Variants in KCNIP4 observed in about 807,000 individuals in gnomAD.
The protein encoded by KCNIP4 is potassium voltage-gated channel interacting protein 4.
A neutral mutation model predicts 34.0 loss-of-function variants in KCNIP4; 12 were observed. The observed-to-expected ratio is 0.35, with a 90% CI of 0.23 to 0.57. The LOEUF (loss-of-function observed/expected upper bound fraction) is 0.57. Ranked by LOEUF, KCNIP4 falls within the 20% of genes least tolerant of loss-of-function variation. KCNIP4 has a pLI of 0.83. For missense variants in KCNIP4, 238 were observed against 311.7 expected (o/e 0.76, Z 1.78); for synonymous variants, 124 against 102.2 (o/e 1.21, Z -1.29).
intron 2 of KCNIP4, among the ~76,000 whole-genome samples, chr4:20,868,127 C>T (rs2149505889): frequency 6.6e-6 from 1 of 152,026 alleles, no homozygotes; most frequent in South Asian, 2.1e-4. Flanking sequence ...AGAATCTATA[C>T]AGTAGGGAAC....
chr4:20,943,112 T>C (rs1731813838), intron 1 of KCNIP4, among the ~76,000 whole-genome samples: 1 of 87,224 alleles, frequency 1.1e-5, no homozygotes, highest in South Asian at 3.5e-4. Context: ...AATGTATAAA[T>C]GCAGGCATTG....
At chr4:21,592,702 A>G (rs1443665562) in intron 1 of KCNIP4, among the ~76,000 whole-genome samples, 1 of 152,162 alleles carries the variant, frequency 6.6e-6, no homozygotes, top group Non-Finnish European at 1.5e-5. Flanking sequence ...TCTTTGAAAG[A>G]GGTGAAAGTA....
chr4:20,857,617 G>A (rs893706611), intron 2 of KCNIP4, among the ~76,000 whole-genome samples: 3 of 140,236 alleles, frequency 2.1e-5, no homozygotes, highest in African/African-American at 8.2e-5. Context: ...ATATGCATAG[G>A]GACAAGATTT....
intron 1 of KCNIP4, among the ~76,000 whole-genome samples, chr4:21,102,650 A>C (rs1314231009): frequency 6.6e-6 from 1 of 152,208 alleles, no homozygotes; most frequent in East Asian, 1.9e-4. Flanking sequence ...CATGTAATTA[A>C]TTCTGTCTAT....
chr4:21,252,103 C>T (rs1176160859), intron 1 of KCNIP4, among the ~76,000 whole-genome samples: 1 of 148,494 alleles, frequency 6.7e-6, no homozygotes, highest in Non-Finnish European at 1.5e-5. Context: ...GTTTAAGCAA[C>T]ATTTAAGTAA....
chr4:21,653,397 C>T (rs1347222965), intron 1 of KCNIP4, among the ~76,000 whole-genome samples: 1 of 152,098 alleles, frequency 6.6e-6, no homozygotes, highest in African/African-American at 2.4e-5. Flanking sequence ...TATGAGGTAC[C>T]CAGGACAGGA....
At chr4:21,903,260 T>C (rs982396550) in intron 1 of KCNIP4, among the ~76,000 whole-genome samples, 3 of 152,250 alleles carry the variant, frequency 2.0e-5, no homozygotes, top group East Asian at 1.9e-4. Context: ...TTTTTTGACA[T>C]GGATAATGCA....
intron 1 of KCNIP4, among the ~76,000 whole-genome samples, chr4:21,198,308 A>G (rs1464829097): frequency 6.6e-6 from 1 of 152,240 alleles, no homozygotes; most frequent in Non-Finnish European, 1.5e-5. Flanking sequence ...AGCCACTGCT[A>G]GCATTAGTGC....
chr4:20,763,887 T>C (rs1428200479), intron 3 of KCNIP4, among the ~76,000 whole-genome samples: 1 of 152,154 alleles, frequency 6.6e-6, no homozygotes, highest in African/African-American at 2.4e-5. Context: ...ATCAAGTCAT[T>C]TAGCAGTATA....
intron 1 of KCNIP4, among the ~76,000 whole-genome samples, chr4:21,306,960 T>C (rs1712538747): frequency 6.6e-6 from 1 of 152,054 alleles, no homozygotes; most frequent in Non-Finnish European, 1.5e-5. Flanking sequence ...GTAGCTGGGA[T>C]TACAGGCATG....
intron 1 of KCNIP4, among the ~76,000 whole-genome samples, chr4:21,175,640 G>C (rs1033711214): frequency 2.0e-5 from 3 of 152,100 alleles, no homozygotes; most frequent in Admixed American, 2.0e-4. Context: ...AGAGTTACTT[G>C]AACGCAAGCA....
intron 1 of KCNIP4, among the ~76,000 whole-genome samples, chr4:21,757,981 C>T (rs1717777993): frequency 6.6e-6 from 1 of 152,090 alleles, no homozygotes; most frequent in African/African-American, 2.4e-5. Flanking sequence ...CTTAGTATGC[C>T]TTATTTTTCA....
At chr4:21,907,716 G>A (rs991121590) in intron 1 of KCNIP4, among the ~76,000 whole-genome samples, 1 of 152,078 alleles carries the variant, frequency 6.6e-6, no homozygotes, top group African/African-American at 2.4e-5. Flanking sequence ...CTTGACATAA[G>A]CAGATTTTTA....
At chr4:21,031,444 C>A (rs942523260) in intron 1 of KCNIP4, among the ~76,000 whole-genome samples, 1 of 152,174 alleles carries the variant, frequency 6.6e-6, no homozygotes, top group Non-Finnish European at 1.5e-5. Flanking sequence ...TCAGTTGCTT[C>A]TATTGTTTGA....
intron 1 of KCNIP4, among the ~76,000 whole-genome samples, chr4:20,927,213 G>T (rs936498629): frequency 6.6e-6 from 1 of 152,104 alleles, no homozygotes; most frequent in African/African-American, 2.4e-5. Flanking sequence ...TCTTGAACTC[G>T]TGATCTGCCC....
chr4:21,640,624 C>T (rs899185647), intron 1 of KCNIP4, among the ~76,000 whole-genome samples: 6 of 152,164 alleles, frequency 3.9e-5, no homozygotes, highest in African/African-American at 1.4e-4. Flanking sequence ...CAAACTGATA[C>T]AGCCCTTTCT....
chr4:21,257,639 A>C (rs1389933524), intron 1 of KCNIP4, among the ~76,000 whole-genome samples: 1 of 151,772 alleles, frequency 6.6e-6, no homozygotes, highest in African/African-American at 2.4e-5. Flanking sequence ...AGTCCCAGCT[A>C]CTCGGGAGGC....
At chr4:21,086,060 C>G (rs1293515822) in intron 1 of KCNIP4, among the ~76,000 whole-genome samples, 2 of 152,096 alleles carry the variant, frequency 1.3e-5, no homozygotes, top group Non-Finnish European at 2.9e-5. Flanking sequence ...GGTGGGGAGC[C>G]AGGTTCCGTC....
intron 1 of KCNIP4, among the ~76,000 whole-genome samples, chr4:21,745,688 T>C (rs1716729929): frequency 6.6e-6 from 1 of 152,040 alleles, no homozygotes; most frequent in Non-Finnish European, 1.5e-5. Flanking sequence ...TGAAGTACTA[T>C]GAAAACAAAA....
Sources: allele counts gnomAD v4.1 joint callset (sites outside exome capture counted in the v4.1 genomes callset), GRCh38; gene constraint gnomAD v4.1.1; transcripts MANE v1.5; gene names NCBI Gene and HGNC (gene_info 2026-07-23, HGNC 2026-07-21).